Variants in ECSIT observed in about 807,000 individuals in gnomAD.
ECSIT encodes the protein ECSIT signaling integrator, also known as evolutionarily conserved signaling intermediate in Toll pathway, mitochondrial.
In ECSIT, 29 loss-of-function variants were observed where a neutral mutation model predicts 36.8. The observed-to-expected ratio is 0.79, with a 90% CI of 0.59 to 1.08. The LOEUF (loss-of-function observed/expected upper bound fraction) is 1.08, where lower values mean the gene tolerates loss of function less well. Ranked by LOEUF, ECSIT falls within the 50% of genes least tolerant of loss-of-function variation. The pLI is 0.00. For missense variants in ECSIT, 542 were observed against 581.0 expected, an observed-to-expected ratio of 0.93 and a Z score of 0.69; for synonymous variants, 231 against 234.8, an observed-to-expected ratio of 0.98 and a Z score of 0.15.
chr19:11,525,899 G>A (rs111423752), intron 1 of ECSIT, among the ~76,000 whole-genome samples: 2,571 of 151,146 alleles, frequency 0.017, 78 homozygotes, highest in African/African-American at 0.059. Context: ...TGGGCAACAA[G>A]AGCGAAACTC....
rs774228011 is a variant in ECSIT, at chr19:11,507,548, C to T, written c.960G>A (p.Thr320=). The T allele has an allele frequency of 5.0e-6, 8 of 1,614,060 alleles. No homozygotes were observed. Among genetic ancestry groups the T allele is most frequent in the East Asian group, 4.5e-5 (2 of 44,876 alleles). The change falls in exon 7 of 8, where the codon ACG becomes ACA. Residue 320 remains threonine (T), a synonymous_variant. Coordinates refer to ENST00000270517, the MANE Select transcript of ECSIT (RefSeq NM_016581.5). The stretch of plus-strand genomic sequence containing the variant: ...GGTAGTAGAGGTTCCACTCCTCCGG[C>T]GTCTCTTCCACTTCCTACTCCAAGG... ...LPPEEREVEE[T]PEEWNLYYPM...
chr19:11,509,327 C>T (rs1460536384), intron 4 of ECSIT, among the ~76,000 whole-genome samples: 1 of 151,738 alleles, frequency 6.6e-6, no homozygotes, highest in Non-Finnish European at 1.5e-5. Context: ...CCTGCCTCAG[C>T]CTCCCAAAGC....
intron 1 of ECSIT, among the ~76,000 whole-genome samples, chr19:11,528,580 C>T (rs1303627993): frequency 1.3e-5 from 2 of 152,230 alleles, no homozygotes; most frequent in East Asian, 1.9e-4. Flanking sequence ...CTGGTTCCCC[C>T]AGGAGATGAG....
chr19:11,515,143 A>T (rs932850222), intron 2 of ECSIT, among the ~76,000 whole-genome samples: 1 of 135,556 alleles, frequency 7.4e-6, no homozygotes, highest in Non-Finnish European at 1.5e-5. Flanking sequence ...TCGCTTTGTC[A>T]CCCAGGCTGG....
chr19:11,514,195 G>C lies in ECSIT; in HGVS notation c.123C>G (p.Leu41=), dbSNP rs762010007. Residue 41 remains leucine (L), a synonymous_variant, in exon 3 of 8, where the codon CTC becomes CTG. Transcript: ENST00000270517. The part of the protein sequence containing the change: ...SQVPRRLPRG[L]HCSAAAHSSE... ...AGCTATGGGCAGCTGCGCTGCAGTG[G>C]AGGCCCCGAGGGAGCCGGCGAGGGA... The C allele has an allele frequency of 6.2e-6, 10 of 1,606,984 alleles. No homozygotes were observed. Among genetic ancestry groups the C allele is most frequent in the Non-Finnish European group, 8.5e-6 (10 of 1,175,930 alleles).
chr19:11,518,286 G>T (rs905001760), intron 2 of ECSIT, among the ~76,000 whole-genome samples: 9 of 152,258 alleles, frequency 5.9e-5, no homozygotes, highest in African/African-American at 2.2e-4. Context: ...AATTAGCTGG[G>T]CGTGGTGATG....
intron 1 of ECSIT, among the ~76,000 whole-genome samples, chr19:11,522,968 G>A (rs1972137855): frequency 6.6e-6 from 1 of 151,706 alleles, no homozygotes; most frequent in South Asian, 2.1e-4. Flanking sequence ...CTACTCAGGA[G>A]GCTGAGGCAG....
intron 2 of ECSIT, among the ~76,000 whole-genome samples, chr19:11,515,297 GTT>G (rs1971970852): frequency 6.7e-6 from 1 of 150,228 alleles, no homozygotes; most frequent in Non-Finnish European, 1.5e-5. Context: ...TAGAGACGGG[GTT>G]TCACTGTGTT....
intron 2 of ECSIT, among the ~76,000 whole-genome samples, chr19:11,518,596 T>G (rs1972043147): frequency 6.6e-6 from 1 of 151,194 alleles, no homozygotes; most frequent in African/African-American, 2.4e-5. Flanking sequence ...TTCAAAAAAA[T>G]AAATAAATTA....
chr19:11,517,468 C>T (rs1972020564), intron 2 of ECSIT, among the ~76,000 whole-genome samples: 1 of 151,562 alleles, frequency 6.6e-6, no homozygotes, highest in Non-Finnish European at 1.5e-5. Flanking sequence ...TGGTGCCGCA[C>T]ACCTGTAATC....
chr19:11,507,380 A>G, intron 7 of ECSIT, 77 bp downstream of exon 7: 1 of 1,201,544 alleles, frequency 8.3e-7, no homozygotes, highest in Non-Finnish European at 1.2e-6. Flanking sequence ...GGCTCAAGTG[A>G]TCCTCCCACC....
chr19:11,518,998 A>C (rs1251869123), intron 2 of ECSIT, 77 bp downstream of exon 2: 13 of 1,261,386 alleles, frequency 1.0e-5, no homozygotes, highest in Non-Finnish European at 1.5e-5. Context: ...GGCTTCACAG[A>C]GTGGATTCTG....
chr19:11,507,863 CAT>C lies in ECSIT; in HGVS notation c.797-15_797-14del, dbSNP rs1237441846. ...GGACTCTGGATTCCTGGTGTGGAGACATACATGCCCTGTGCCCTGCAAGGGAC... is the reference window on the plus strand; with the variant it reads ...GGACTCTGGATTCCTGGTGTGGAGACACATGCCCTGTGCCCTGCAAGGGAC... On this transcript the variant is annotated splice_polypyrimidine_tract_variant and intron_variant, in intron 5 of 7. Transcript: ENST00000270517. The C allele has an allele frequency of 1.2e-6, 2 of 1,613,586 alleles. No homozygotes were observed. The highest frequency in any genetic ancestry group is 8.5e-7 in the Non-Finnish European group (1 of 1,179,920).
chr19:11,509,070 T>C (rs939573614), intron 4 of ECSIT, among the ~76,000 whole-genome samples: 18 of 85,702 alleles, frequency 2.1e-4, no homozygotes, highest in Non-Finnish European at 3.2e-4. Context: ...CACTAGACAA[T>C]TTTTTTTTTT....
chr19:11,522,403 C>T (rs1972124138), intron 1 of ECSIT: 1 of 1,226,832 alleles, frequency 8.2e-7, no homozygotes. Flanking sequence ...CAAGCAGTTC[C>T]AAGACTCCAA....
Position 11,506,442 on chromosome 19 carries a change from T to C in ECSIT, c.1052-14A>G. The C allele has an allele frequency of 6.2e-7, 1 of 1,607,876 alleles. No individual in the cohort carries two copies. The highest frequency in any genetic ancestry group is 1.1e-5 in the South Asian group (1 of 90,886). On this transcript the variant is annotated splice_polypyrimidine_tract_variant and intron_variant, in intron 7 of 7. Transcript: ENST00000270517. Reference sequence around the variant, plus strand: ...GGCCTTCCTCCACTGTTGGAAGACATGCACCCTTAAGGTTTGCACAGTGGG... The same window carrying C: ...GGCCTTCCTCCACTGTTGGAAGACACGCACCCTTAAGGTTTGCACAGTGGG...
At chr19:11,506,529 C>G (rs1311711247) in intron 7 of ECSIT, 101 bp from the exon 8 acceptor site, 2 of 678,394 alleles carry the variant, frequency 2.9e-6, no homozygotes, top group Admixed American at 1.3e-4. Flanking sequence ...CTTCCACTTC[C>G]TTTTTTTTTT....
Position 11,506,015 on chromosome 19 carries a change from C to T in ECSIT, c.*169G>A. 4 of 1,195,608 alleles carry T rather than the reference C, an allele frequency of 3.3e-6. No homozygotes were observed. Among genetic ancestry groups the T allele is most frequent in the East Asian group, 2.4e-5 (1 of 42,094 alleles). 74.1% of individuals were successfully genotyped at this position (1,195,608 alleles called of 1,614,324 possible). A position where few individuals can be genotyped will look rare whatever the true frequency, so the allele number is the denominator to read the frequency against. ...GCAGATTCTGGAGGGGTCTCGCCTG[C>T]CCATCGCTGGCAGCCCGAGATCCTG... On this transcript the variant is annotated 3_prime_UTR_variant, in exon 8 of 8. Coordinates refer to ENST00000270517, the MANE Select transcript of ECSIT (RefSeq NM_016581.5).
chr19:11,525,189 T>TA (rs1488712657), intron 1 of ECSIT, among the ~76,000 whole-genome samples: 1 of 151,278 alleles, frequency 6.6e-6, no homozygotes, highest in East Asian at 2.0e-4. Context: ...ATGACTTTCA[T>TA]ATGCACCTAG....
Sources: allele counts gnomAD v4.1 joint callset (sites outside exome capture counted in the v4.1 genomes callset), GRCh38; gene constraint gnomAD v4.1.1; transcripts MANE v1.5; gene names NCBI Gene and HGNC (gene_info 2026-07-23, HGNC 2026-07-21).